Variants in DST observed in about 807,000 individuals in gnomAD.
DST encodes the protein dystonin.
Under a neutral mutation model 875.2 loss-of-function variants are expected in DST, and 253 were observed. The observed-to-expected ratio is 0.29, with a 90% confidence interval of 0.26 to 0.32. The LOEUF (loss-of-function observed/expected upper bound fraction) is 0.32, where lower values mean the gene tolerates loss of function less well. DST is among the 10% of genes least tolerant of loss of function. The pLI, the probability that DST is intolerant of heterozygous loss-of-function variation, is 1.00. For missense variants in DST, 8,287 were observed against 9,111.6 expected (o/e 0.91, Z 3.68); for synonymous variants, 3,124 against 3,197.1 (o/e 0.98, Z 0.77).
intron 73 of DST, among the ~76,000 whole-genome samples, chr6:56,510,345 G>A (rs2096448217): frequency 6.6e-6 from 1 of 152,036 alleles, no homozygotes; most frequent in African/African-American, 2.4e-5. Context: ...TGAAATTCAT[G>A]GGAAGTTTTG....
chr6:56,551,660 C>A (rs527982234), intron 61 of DST, among the ~76,000 whole-genome samples: 37 of 152,098 alleles, frequency 2.4e-4, no homozygotes, highest in Non-Finnish European at 4.1e-4. Flanking sequence ...GGGGCATGAG[C>A]CTAAGACCTT....
At position 56,639,617 on chromosome 6, in the gene DST, G is replaced by A; in HGVS notation, c.2698-6C>T. 6.2e-7 allele frequency: 1 copy of A among 1,613,442 alleles called. No homozygotes were observed. The highest frequency in any genetic ancestry group is 8.5e-7 in the Non-Finnish European group (1 of 1,179,788). On this transcript the variant is annotated splice_polypyrimidine_tract_variant and splice_region_variant and intron_variant, in intron 20 of 103. Coordinates refer to ENST00000680361, the MANE Select transcript of DST (RefSeq NM_001374736.1). ...TCTTGATTCCTGGATGTATTCTTTA[G>A]TAAGGAAAATCATCATAAGAATCAT...
chr6:56,579,610 T>C (rs1322862727), intron 49 of DST, among the ~76,000 whole-genome samples: 3 of 152,086 alleles, frequency 2.0e-5, no homozygotes, highest in Admixed American at 1.3e-4. Context: ...GTAATGACAC[T>C]GAGATGGCTC....
rs1311894560 is a variant in DST at position 56,605,000 on chromosome 6, T to A, written c.9628A>T (p.Thr3210Ser). ...NEDVPSHVLI[T>S]APPMKEHLQL... ...AAATGTTCTTTCATGGGAGGGGCAGTTATTAAAACATGGCTTGGGACATCT... is the reference window on the plus strand; with the variant it reads ...AAATGTTCTTTCATGGGAGGGGCAGATATTAAAACATGGCTTGGGACATCT... The change falls in exon 40 of 104, where the codon ACT becomes TCT. Residue 3210 changes from threonine (T) to serine (S), a missense_variant. This residue lies in a region of DST where 3,138 missense variants were observed against 3,116.6 expected (regional missense o/e 1.01). Transcript: ENST00000680361. 8 of 1,613,004 alleles carry A rather than the reference T, an allele frequency of 5.0e-6. No homozygotes were observed. The highest frequency in any genetic ancestry group is 6.8e-6 in the Non-Finnish European group (8 of 1,179,332).
chr6:56,793,279 G>A (rs2099734528), intron 4 of DST, among the ~76,000 whole-genome samples: 1 of 151,984 alleles, frequency 6.6e-6, no homozygotes, highest in African/African-American at 2.4e-5. Flanking sequence ...ATTATGTAAA[G>A]AGGATGTCCT....
rs77859287 is a variant in DST at position 56,763,174 on chromosome 6, A to G, written c.626-27885T>C. On this transcript the variant is annotated intron_variant, in intron 4 of 103. Coordinates refer to ENST00000680361, the MANE Select transcript of DST (RefSeq NM_001374736.1). ...CGAGAACATTACCTTTATAGAAAGCATTTTCTCCTTGTTTACCTCAGGGAT... is the reference window on the plus strand; with the variant it reads ...CGAGAACATTACCTTTATAGAAAGCGTTTTCTCCTTGTTTACCTCAGGGAT... Among the ~76,000 whole-genome samples, 442 of 151,970 alleles carry G rather than the reference A, an allele frequency of 2.9e-3. 5 individuals carry two copies. The highest frequency in any genetic ancestry group is 0.02 in the East Asian group (105 of 5,154).
chr6:56,771,181 T>C (rs2099660414), intron 4 of DST, among the ~76,000 whole-genome samples: 1 of 152,126 alleles, frequency 6.6e-6, no homozygotes, highest in South Asian at 2.1e-4. Flanking sequence ...ATTATACAAT[T>C]ACTAGGAGGA....
intron 61 of DST, among the ~76,000 whole-genome samples, chr6:56,548,873 C>A (rs2097272898): frequency 6.6e-6 from 1 of 152,186 alleles, no homozygotes; most frequent in Non-Finnish European, 1.5e-5. Context: ...AAACGTCAAG[C>A]TAACTAACAC....
chr6:56,679,619 A>T (rs1242509285), intron 9 of DST, among the ~76,000 whole-genome samples: 2 of 150,030 alleles, frequency 1.3e-5, no homozygotes, highest in African/African-American at 2.5e-5. Context: ...AAAAAAAAAA[A>T]AATTAGCTGG....
intron 2 of DST, among the ~76,000 whole-genome samples, chr6:56,947,923 C>CCCTATACATACTGTTTTTTT (rs2127807352): frequency 6.6e-6 from 1 of 150,668 alleles, no homozygotes; most frequent in Non-Finnish European, 1.5e-5. Context: ...TAGTACTAAA[C>CCCTATACATACTGTTTTTTT]CCTATACATA....
At chr6:56,484,831 T>C (rs1051747176) in intron 88 of DST, 2 of 154,074 alleles carry the variant, frequency 1.3e-5, no homozygotes, top group Non-Finnish European at 2.9e-5. Context: ...TAAACTGCTA[T>C]AATTCAAGGG....
At chr6:56,619,610 G>A in intron 36 of DST, 1 of 1,613,900 alleles carries the variant, frequency 6.2e-7, no homozygotes. Flanking sequence ...ATGATTAAGA[G>A]ATTCTAATTC....
intron 3 of DST, among the ~76,000 whole-genome samples, chr6:56,887,273 G>GTAGC: frequency 6.6e-6 from 1 of 152,292 alleles, no homozygotes; most frequent in East Asian, 1.9e-4. Context: ...GAGTGACACG[G>GTAGC]TAGCAGGTGG....
chr6:56,496,894 C>T (rs2095929202), intron 82 of DST, among the ~76,000 whole-genome samples: 1 of 152,104 alleles, frequency 6.6e-6, no homozygotes, highest in Non-Finnish European at 1.5e-5. Context: ...AATCATCATT[C>T]TCAGTAAACT....
rs750809305 is a variant in DST, at chr6:56,598,699, T to A, written c.11705A>T (p.Lys3902Ile). 3.2e-6 allele frequency: 5 copies of A among 1,573,980 alleles called. No individual in the cohort carries two copies. The highest frequency in any genetic ancestry group is 4.3e-6 in the Non-Finnish European group (5 of 1,162,212). The change falls in exon 46 of 104, where the codon AAA (lysine) becomes ATA (isoleucine). Residue 3902 changes from lysine (K) to isoleucine (I), a missense_variant. Lys to Ile is a moderately radical substitution (Grantham distance 102). This residue lies in a region of DST where 3,138 missense variants were observed against 3,116.6 expected (regional missense o/e 1.01). Transcript: ENST00000680361. ...KYQSKQEELQ[K>I]DMQGSAQALA... ...TGCCTGTGCACTTCCTTGCATATCTTTCTGTAATTCCTTATAACACAAAAG... is the reference window on the plus strand; with the variant it reads ...TGCCTGTGCACTTCCTTGCATATCTATCTGTAATTCCTTATAACACAAAAG...
intron 15 of DST, chr6:56,642,777 A>T (rs201076040): frequency 1.2e-6 from 2 of 1,613,998 alleles, no homozygotes; most frequent in African/African-American, 2.7e-5. Flanking sequence ...AACTATAACT[A>T]CTACTGTGCA....
At chr6:56,557,127 T>A (rs1398832431) in intron 59 of DST, among the ~76,000 whole-genome samples, 192 bp downstream of exon 59, 1 of 152,226 alleles carries the variant, frequency 6.6e-6, no homozygotes, top group African/African-American at 2.4e-5. Context: ...AGATGCCTTA[T>A]AGCTTTAGTT....
chr6:56,525,570 C>G (rs1206940717), intron 69 of DST, among the ~76,000 whole-genome samples: 1 of 152,204 alleles, frequency 6.6e-6, no homozygotes, highest in Non-Finnish European at 1.5e-5. Flanking sequence ...GCTTTTGGCT[C>G]ATACTAGTAA....
At chr6:56,692,293 T>C (rs2099235819) in intron 9 of DST, 8 of 634,196 alleles carry the variant, frequency 1.3e-5, no homozygotes, top group South Asian at 6.0e-5. Context: ...TACACTAATA[T>C]GAAAATAACT....
Sources: gnomAD v4.1 joint callset for allele counts (sites outside exome capture counted in the v4.1 genomes callset) on GRCh38, gnomAD v4.1.1 for gene constraint, gnomAD v4.1.1 regional missense constraint, MANE v1.5 for transcripts, NCBI Gene and HGNC (gene_info 2026-07-23, HGNC 2026-07-21) for gene names.